TMEM91: variants seen among roughly 807,000 people sequenced by gnomAD.
TMEM91 encodes transmembrane protein 91.
A neutral mutation model predicts 13.3 loss-of-function variants in TMEM91; 6 were observed. That is an observed-to-expected ratio of 0.45 (90% CI 0.25 to 0.89). The LOEUF is 0.89. Among genes scored for constraint, TMEM91 ranks in the 40% least tolerant of loss-of-function variants. The pLI is 0.19. For synonymous variants in TMEM91, 87 were observed against 101.7 expected (o/e 0.86, Z 0.87); for missense variants, 193 against 228.7 (o/e 0.84, Z 1.01).
rs199845315 is a variant in TMEM91, at chr19:41,383,821, C to T, written c.467C>T (p.Ala156Val). ...GTCGGGCTGGGCGTGTGCACGTATG[C>T]GGCTGCCCTGGTGACCCTGGCTGCC... ...LAVGLGVCTY[A>V]AALVTLAAYL... is the part of the protein sequence containing the mutation. Residue 156 changes from alanine (A) to valine (V), a missense_variant, in exon 4 of 4, where the codon GCG becomes GTG. By Grantham distance (64) the Ala-to-Val change is moderately conservative. Transcript: ENST00000392002. The T allele has an allele frequency of 2.2e-5, 35 of 1,609,868 alleles. No homozygotes were observed. The highest frequency in any genetic ancestry group is 4.5e-5 in the East Asian group (2 of 44,380).
intron 2 of TMEM91, among the ~76,000 whole-genome samples, chr19:41,382,201 T>C (rs1439366417): frequency 6.6e-6 from 1 of 152,114 alleles, no homozygotes; most frequent in East Asian, 1.9e-4. Context: ...TTGTAAGCAA[T>C]TGTAGCGTCC....
At position 41,383,942 on chromosome 19, in the gene TMEM91, G is replaced by T; in HGVS notation, c.*69G>T. ...AGCAAATCTGTGGGCAGAGAGTGGA[G>T]AATCTTGGTGGATGAGGCTGCGGCG... On this transcript the variant is annotated 3_prime_UTR_variant, in exon 4 of 4. Coordinates refer to ENST00000392002, the MANE Select transcript of TMEM91 (RefSeq NM_001098821.2). The T allele has an allele frequency of 6.4e-7, 1 of 1,564,534 alleles. No homozygotes were observed. The highest frequency in any genetic ancestry group is 8.6e-7 in the Non-Finnish European group (1 of 1,161,780).
intron 1 of TMEM91, among the ~76,000 whole-genome samples, chr19:41,377,490 TG>T (rs2038749179): frequency 7.9e-6 from 1 of 125,988 alleles, no homozygotes. Flanking sequence ...GGACAGAGGA[TG>T]GGGAATGTAG....
intron 2 of TMEM91, among the ~76,000 whole-genome samples, chr19:41,380,971 C>T (rs535865229): frequency 4.9e-5 from 7 of 143,734 alleles, no homozygotes; most frequent in African/African-American, 1.3e-4. Context: ...CTGTAATCCC[C>T]GCTTTTGGGA....
chr19:41,380,186 GC>G (rs2038846157), intron 2 of TMEM91, among the ~76,000 whole-genome samples: 1 of 151,984 alleles, frequency 6.6e-6, no homozygotes, highest in South Asian at 2.1e-4. Context: ...GAGCCACCGT[GC>G]CCAGCCGAGT....
At chr19:41,372,476 C>T (rs2038639702), upstream of TMEM91, among the ~76,000 whole-genome samples, 1 of 152,094 alleles carries the variant, frequency 6.6e-6, no homozygotes, top group Non-Finnish European at 1.5e-5. Context: ...GCTGGGATTA[C>T]AGGCATGAGC....
chr19:41,370,423 T>TTATTTATTTATC (rs2038596807), intron 1 of TMEM91, among the ~76,000 whole-genome samples: 2 of 149,592 alleles, frequency 1.3e-5, no homozygotes, highest in Admixed American at 1.3e-4. Context: ...ATTTATTTAT[T>TTATTTATTTATC]TGAGACAGAG....
intron 1 of TMEM91, among the ~76,000 whole-genome samples, chr19:41,364,394 C>G (rs1435954528): frequency 6.6e-6 from 1 of 151,980 alleles, no homozygotes; most frequent in African/African-American, 2.4e-5. Context: ...CCTTCTTTAC[C>G]AAAAAAGCAA....
At chr19:41,381,356 T>C (rs1305393567) in intron 2 of TMEM91, among the ~76,000 whole-genome samples, 2 of 123,496 alleles carry the variant, frequency 1.6e-5, no homozygotes, top group East Asian at 4.5e-4. Flanking sequence ...CATGCCTAGC[T>C]AATTTTTTTT....
In TMEM91 at chr19:41,378,821, TGTGAGAGA is replaced by T. The variant is rs1281808026; in HGVS notation, c.210+304_210+311del. On this transcript the variant is annotated intron_variant, in intron 2 of 3. Transcript: ENST00000392002. ...TGCTGTCTCCCTCTTTGTGTGTGTG[TGTGAGAGA>T]GAGAGAGAGAGAGAGAGAGAGAGAC... Among the ~76,000 whole-genome samples the T allele has an allele frequency of 3.0e-4, 44 of 144,298 alleles. No individual in the cohort carries two copies. The East Asian group carries it at 4.4e-3, about 15-fold the overall frequency. 94.7% of individuals were successfully genotyped at this position (144,298 alleles called of 152,430 possible).
chr19:41,374,938 A>C (rs1035437357), upstream of TMEM91, among the ~76,000 whole-genome samples: 1 of 152,126 alleles, frequency 6.6e-6, no homozygotes, highest in Non-Finnish European at 1.5e-5. Flanking sequence ...AGCCGAGATC[A>C]CGCCATTGCC....
At chr19:41,381,652 C>A in intron 2 of TMEM91, among the ~76,000 whole-genome samples, 1 of 152,018 alleles carries the variant, frequency 6.6e-6, no homozygotes, top group East Asian at 1.9e-4. Flanking sequence ...GCGTGAGCCA[C>A]TGAGCCTGGC....
At chr19:41,370,083 TA>T (rs2038590653) in intron 1 of TMEM91, among the ~76,000 whole-genome samples, 1 of 152,122 alleles carries the variant, frequency 6.6e-6, no homozygotes, top group Admixed American at 6.6e-5. Flanking sequence ...TTTATTTATT[TA>T]TTTATTTTTT....
intron 2 of TMEM91, among the ~76,000 whole-genome samples, 163 bp from the exon 3 acceptor site, chr19:41,382,609 G>A (rs185924439): frequency 2.0e-5 from 3 of 152,256 alleles, no homozygotes; most frequent in East Asian, 1.9e-4. Flanking sequence ...GCAAAACTCC[G>A]TCTCAAACAA....
chr19:41,375,273 C>CTTTTTTTTTTTTTTTTTT (rs906641411), upstream of TMEM91, among the ~76,000 whole-genome samples: 1 of 58,658 alleles, frequency 1.7e-5, no homozygotes, highest in Non-Finnish European at 3.2e-5. Context: ...ATTTTCTTTT[C>CTTTTTTTTTTTTTTTTTT]TTTTTTTTTT....
upstream of TMEM91, among the ~76,000 whole-genome samples, chr19:41,374,723 C>A (rs2038677908): frequency 1.3e-5 from 2 of 151,954 alleles, no homozygotes; most frequent in Non-Finnish European, 2.9e-5. Context: ...GTGGCTCACA[C>A]CTGTAATCCC....
intron 1 of TMEM91, chr19:41,364,236 G>A (rs1266625935): frequency 6.5e-6 from 1 of 153,550 alleles, no homozygotes; most frequent in African/African-American, 2.4e-5. Context: ...GCGGGGTGAA[G>A]CTGTGATGGA....
chr19:41,372,665 GA>G (rs1275252081), upstream of TMEM91, among the ~76,000 whole-genome samples: 1 of 152,168 alleles, frequency 6.6e-6, no homozygotes, highest in Non-Finnish European at 1.5e-5. Flanking sequence ...GAAAACCAAA[GA>G]AATGGTATGT....
chr19:41,384,016 C>T lies in TMEM91; in HGVS notation c.*143C>T. 7.2e-7 allele frequency: 1 copy of T among 1,384,774 alleles called. No individual in the cohort carries two copies. The highest frequency in any genetic ancestry group is 1.5e-5 in the South Asian group (1 of 65,178). The allele number at this position is 1,384,774 out of a possible 1,614,324, so 85.8% of individuals were successfully genotyped here. A position where few individuals can be genotyped will look rare whatever the true frequency, so the allele number is the denominator to read the frequency against. ...GAGCGAGCTGGACTGGAACCCTTCC[C>T]CTTCCTGGCCACCGCTCTTCGGGCG... is the stretch of plus-strand genomic sequence containing the variant. On this transcript the variant is annotated 3_prime_UTR_variant, in exon 4 of 4. Coordinates refer to ENST00000392002, the MANE Select transcript of TMEM91 (RefSeq NM_001098821.2).
Sources: allele counts gnomAD v4.1 joint callset (sites outside exome capture counted in the v4.1 genomes callset), GRCh38; gene constraint gnomAD v4.1.1; transcripts MANE v1.5; gene names NCBI Gene and HGNC (gene_info 2026-07-23, HGNC 2026-07-21).